The following SLC24A3 variants were observed in gnomAD, a reference collection of about 807,000 sequenced individuals.
SLC24A3 encodes the protein sodium/potassium/calcium exchanger 3.
SLC24A3 carries 28 observed loss-of-function variants against 75.8 expected under a neutral mutation model. The ratio of observed to expected loss-of-function variants is 0.37; its 90% CI spans 0.27 to 0.51. The LOEUF is 0.51. Ranked by LOEUF, SLC24A3 falls within the 20% of genes least tolerant of loss-of-function variation. The probability of loss-of-function intolerance (pLI) is 0.94; values close to 1 mark genes in which losing one functional copy is unlikely to be tolerated. For synonymous variants in SLC24A3, 372 were observed against 334.1 expected, an observed-to-expected ratio of 1.11 and a Z score of -1.24; for missense variants, 663 against 847.8, an observed-to-expected ratio of 0.78 and a Z score of 2.71.
intron 11 of SLC24A3, 128 bp downstream of exon 11, chr20:19,684,464 T>C (rs2032650118): frequency 9.1e-7 from 1 of 1,101,428 alleles, no homozygotes; most frequent in African/African-American, 1.6e-5. Flanking sequence ...CCCTCAGCCA[T>C]TTCCTAATCT....
chr20:19,609,022 A>T (rs1349580268), intron 6 of SLC24A3, among the ~76,000 whole-genome samples: 1 of 152,238 alleles, frequency 6.6e-6, no homozygotes, highest in Non-Finnish European at 1.5e-5. Context: ...GTACAAAGGC[A>T]TTAATGAAGG....
chr20:19,372,275 G>T (rs1208365285), intron 2 of SLC24A3, among the ~76,000 whole-genome samples: 1 of 152,192 alleles, frequency 6.6e-6, no homozygotes, highest in African/African-American at 2.4e-5. Context: ...GAAAGAAGCA[G>T]AAGTTGAGGG....
Position 19,686,304 on chromosome 20 carries a change from G to A in SLC24A3, c.1324+943G>A, listed in dbSNP as rs76420964. 9.3e-3 allele frequency among the ~76,000 whole-genome samples: 1,422 copies of A among 152,306 alleles called. 27 individuals carry two copies. The highest frequency in any genetic ancestry group is 0.031 in the African/African-American group (1,306 of 41,560). The stretch of plus-strand genomic sequence containing the variant: ...TGCCAAGGCCTGAAGAAGCTTTCAG[G>A]ACCTCAGCCACCAGGGTGGTGTCCT... On this transcript the variant is annotated intron_variant, in intron 12 of 16. Coordinates refer to ENST00000328041, the MANE Select transcript of SLC24A3 (RefSeq NM_020689.4).
chr20:19,633,048 T>C (rs2031953933), intron 6 of SLC24A3, among the ~76,000 whole-genome samples: 1 of 152,256 alleles, frequency 6.6e-6, no homozygotes, highest in African/African-American at 2.4e-5. Flanking sequence ...GCTCCATTGC[T>C]GGGCATGTGC....
In SLC24A3 at chr20:19,483,264, A is replaced by C. The variant is rs183984045; in HGVS notation, c.272-32224A>C. On this transcript the variant is annotated intron_variant, in intron 2 of 16. Transcript: ENST00000328041. Reference sequence around the variant, plus strand: ...CCCTATCCCTGGGGAAGTTGATACTAACTAACAATAGCTTCTTAGCAGATT... The same window carrying C: ...CCCTATCCCTGGGGAAGTTGATACTCACTAACAATAGCTTCTTAGCAGATT... 1.5e-4 allele frequency among the ~76,000 whole-genome samples: 23 copies of C among 152,322 alleles called. No individual in the cohort carries two copies. In the East Asian group the frequency reaches 4.4e-3, roughly 29 times the overall value.
intron 2 of SLC24A3, among the ~76,000 whole-genome samples, chr20:19,315,718 G>A (rs533156187): frequency 5.3e-5 from 8 of 152,292 alleles, no homozygotes; most frequent in Middle Eastern, 3.4e-3. Flanking sequence ...TGGTAGGAGG[G>A]TCATCACCCT....
At chr20:19,685,051 TATTTGCAATCCC>T (rs765280552) in intron 11 of SLC24A3, 37 bp from the exon 12 acceptor site, 22 of 1,546,632 alleles carry the variant, frequency 1.4e-5, no homozygotes, top group Non-Finnish European at 1.9e-5. Flanking sequence ...GAGTGTAAGG[TATTTGCAATCCC>T]TCTGACCGTG....
At chr20:19,298,764 A>C (rs1365203362) in intron 2 of SLC24A3, among the ~76,000 whole-genome samples, 1 of 152,228 alleles carries the variant, frequency 6.6e-6, no homozygotes, top group East Asian at 1.9e-4. Context: ...AGTTGGTATC[A>C]TTCCCAGTTA....
At chr20:19,669,511 A>G (rs1159206839) in intron 8 of SLC24A3, among the ~76,000 whole-genome samples, 1 of 152,064 alleles carries the variant, frequency 6.6e-6, no homozygotes, top group Non-Finnish European at 1.5e-5. Context: ...CAAAAAAAAA[A>G]AAAGAAAAAA....
chr20:19,445,467 G>A (rs541468201), intron 2 of SLC24A3, among the ~76,000 whole-genome samples: 7 of 152,312 alleles, frequency 4.6e-5, no homozygotes, highest in African/African-American at 1.2e-4. Context: ...AGTTATTTAA[G>A]GCAAATAGTT....
At chr20:19,510,971 A>T (rs1988526879) in intron 2 of SLC24A3, among the ~76,000 whole-genome samples, 1 of 152,212 alleles carries the variant, frequency 6.6e-6, no homozygotes, top group African/African-American at 2.4e-5. Flanking sequence ...TGGCCAGTGC[A>T]GGGCTGAGCA....
At chr20:19,410,123 T>A (rs1249021081) in intron 2 of SLC24A3, among the ~76,000 whole-genome samples, 1 of 152,102 alleles carries the variant, frequency 6.6e-6, no homozygotes, top group Non-Finnish European at 1.5e-5. Flanking sequence ...ATAGAGGCAT[T>A]AGCTAGAAAA....
At chr20:19,609,038 C>A (rs547598192) in intron 6 of SLC24A3, among the ~76,000 whole-genome samples, 1 of 152,134 alleles carries the variant, frequency 6.6e-6, no homozygotes, top group Admixed American at 6.6e-5. Flanking sequence ...GAAGGAGGCT[C>A]CTGCAATTGA....
intron 2 of SLC24A3, among the ~76,000 whole-genome samples, chr20:19,445,688 A>T (rs113831497): frequency 6.6e-6 from 1 of 152,170 alleles, no homozygotes; most frequent in African/African-American, 2.4e-5. Flanking sequence ...CAACAGGTGC[A>T]TTGAACCCCT....
At chr20:19,382,035 C>A (rs1986191699) in intron 2 of SLC24A3, among the ~76,000 whole-genome samples, 1 of 152,240 alleles carries the variant, frequency 6.6e-6, no homozygotes, top group African/African-American at 2.4e-5. Flanking sequence ...ATGATGTTCT[C>A]TGCCACCGGC....
At chr20:19,307,232 T>G (rs1462824693) in intron 2 of SLC24A3, among the ~76,000 whole-genome samples, 1 of 152,236 alleles carries the variant, frequency 6.6e-6, no homozygotes, top group Non-Finnish European at 1.5e-5. Context: ...AGATAATATT[T>G]GCAATCATGC....
intron 3 of SLC24A3, among the ~76,000 whole-genome samples, chr20:19,570,614 A>C (rs2122621364): frequency 6.6e-6 from 1 of 152,324 alleles, no homozygotes; most frequent in East Asian, 1.9e-4. Flanking sequence ...TACTTTGTTA[A>C]TACATTGGAT....
intron 7 of SLC24A3, among the ~76,000 whole-genome samples, chr20:19,659,535 C>T (rs563598268): frequency 1.3e-5 from 2 of 152,338 alleles, no homozygotes; most frequent in African/African-American, 4.8e-5. Flanking sequence ...CAAGCATGGA[C>T]TTGATCCTCA....
chr20:19,492,130 A>G (rs1477272015), intron 2 of SLC24A3, among the ~76,000 whole-genome samples: 2 of 152,170 alleles, frequency 1.3e-5, no homozygotes, highest in Non-Finnish European at 2.9e-5. Context: ...CTACCTTTTG[A>G]TAGGAAACTT....
Sources: allele counts gnomAD v4.1 joint callset (sites outside exome capture counted in the v4.1 genomes callset), GRCh38; gene constraint gnomAD v4.1.1; transcripts MANE v1.5; gene names NCBI Gene and HGNC (gene_info 2026-07-23, HGNC 2026-07-21).